ASS1: variants seen among roughly 807,000 people sequenced by gnomAD.
The protein encoded by ASS1 is argininosuccinate synthase 1.
In ASS1, 58 loss-of-function variants were observed where a neutral mutation model predicts 60.5. That is an observed-to-expected ratio of 0.96 (90% CI 0.78 to 1.19). The LOEUF (loss-of-function observed/expected upper bound fraction) is 1.19, where lower values mean the gene tolerates loss of function less well. Ranked by LOEUF, ASS1 falls within the 50% of genes most tolerant of loss-of-function variation. The pLI is 0.00. For missense variants in ASS1, 454 were observed against 547.3 expected (o/e 0.83, Z 1.70); for synonymous variants, 200 against 206.9 (o/e 0.97, Z 0.29).
At position 130,491,033 on chromosome 9, in the gene ASS1, TC is replaced by T. The variant is rs1846436624; in HGVS notation, c.970+1574del. Among the ~76,000 whole-genome samples, 6 of 152,242 alleles carry T rather than the reference TC, an allele frequency of 3.9e-5. No individual in the cohort carries two copies. The South Asian group carries it at 1.2e-3, about 32-fold the overall frequency. On this transcript the variant is annotated intron_variant, in intron 12 of 14. Coordinates refer to ENST00000352480, the MANE Select transcript of ASS1 (RefSeq NM_054012.4). The surrounding 1 kb of genome is among the most constrained non-coding windows in gnomAD (Gnocchi z 5.3). ...GGCTAAGCTCTCCTCCCCTCGCCTC[TC>T]CCCCTCCACTCCCAGATTTTGTTTC...
At chr9:130,448,142 G>GGGCT (rs967647704) in intron 1 of ASS1, among the ~76,000 whole-genome samples, 63 of 151,648 alleles carry the variant, frequency 4.2e-4, no homozygotes, top group African/African-American at 1.4e-3. Flanking sequence ...TTTTTGCCTC[G>GGGCT]GGCTGCAAAT....
At position 130,470,139 on chromosome 9, in the gene ASS1, C is replaced by A. The variant is rs964238641; in HGVS notation, c.496-695C>A. ...CTTCTTCCTCCTCTTAAGGCTGAGTCAGGTGGGCCTTCCATGCGTGACCTG... is the reference window on the plus strand; with the variant it reads ...CTTCTTCCTCCTCTTAAGGCTGAGTAAGGTGGGCCTTCCATGCGTGACCTG... On this transcript the variant is annotated intron_variant, in intron 6 of 14. Transcript: ENST00000352480. This position sits in a 1 kb window ranked among gnomAD's most constrained non-coding sequence, Gnocchi z 4.3. Among the ~76,000 whole-genome samples, 1 of 152,164 alleles carries A rather than the reference C, an allele frequency of 6.6e-6. No individual in the cohort carries two copies. The highest frequency in any genetic ancestry group is 2.4e-5 in the African/African-American group (1 of 41,432).
Position 130,470,987 on chromosome 9 carries a change from G to C in ASS1, c.566+83G>C. ...ACGCGCTGCCCCAGGACGTCCTGGT[G>C]ACCCCCACACCAGTGGTCCCTGCCC... On this transcript the variant is annotated intron_variant, in intron 7 of 14. Coordinates refer to ENST00000352480, the MANE Select transcript of ASS1 (RefSeq NM_054012.4). The surrounding 1 kb of genome is among the most constrained non-coding windows in gnomAD (Gnocchi z 4.3). 6.6e-7 allele frequency: 1 copy of C among 1,504,694 alleles called. No individual in the cohort carries two copies. 93.2% of individuals were successfully genotyped at this position (1,504,694 alleles called of 1,614,324 possible).
At chr9:130,486,417 C>T (rs543798268) in intron 11 of ASS1, among the ~76,000 whole-genome samples, 7 of 152,322 alleles carry the variant, frequency 4.6e-5, no homozygotes, top group Non-Finnish European at 1.0e-4. Context: ...TGTCCCTGTT[C>T]TCCAGGCTGT....
chr9:130,464,908 G>A (rs1211040992), intron 5 of ASS1, among the ~76,000 whole-genome samples: 1 of 151,852 alleles, frequency 6.6e-6, no homozygotes. Flanking sequence ...GCAGGGCCCA[G>A]GGCAGGGCCG....
rs1259637239 is a variant in ASS1 at position 130,491,359 on chromosome 9, C to T, written c.970+1895C>T. Among the ~76,000 whole-genome samples, 7 of 151,758 alleles carry T rather than the reference C, an allele frequency of 4.6e-5. No individual in the cohort carries two copies. The highest frequency in any genetic ancestry group is 7.3e-5 in the African/African-American group (3 of 41,372). ...GGGCCTCCACGGAGGCTGATCCCAC[C>T]GTGGCCGCGGCCACGGCTGCCACTT... On this transcript the variant is annotated intron_variant, in intron 12 of 14. Transcript: ENST00000352480. The surrounding 1 kb of genome is among the most constrained non-coding windows in gnomAD (Gnocchi z 5.3).
chr9:130,480,558 C>G (rs1846145587), intron 11 of ASS1, 109 bp downstream of exon 11: 1 of 1,219,228 alleles, frequency 8.2e-7, no homozygotes, highest in African/African-American at 1.5e-5. Flanking sequence ...CCGTGGGCGA[C>G]CTTGGGCACG....
At position 130,488,660 on chromosome 9, in the gene ASS1, T is replaced by G. The variant is rs1846367504; in HGVS notation, c.839-673T>G. 6.6e-6 allele frequency among the ~76,000 whole-genome samples: 1 copy of G among 152,196 alleles called. No individual in the cohort carries two copies. Among genetic ancestry groups the G allele is most frequent in the Non-Finnish European group, 1.5e-5 (1 of 68,040 alleles). ...TCCCTTCTCCCCTGACCTTCCAGGG[T>G]TGGGCCTCCACGGCCAGGTGACTTA... On this transcript the variant is annotated intron_variant, in intron 11 of 14. Coordinates refer to ENST00000352480, the MANE Select transcript of ASS1 (RefSeq NM_054012.4). This position sits in a 1 kb window ranked among gnomAD's most constrained non-coding sequence, Gnocchi z 5.2.
chr9:130,499,913 G>A (rs1375374531), intron 14 of ASS1, among the ~76,000 whole-genome samples: 1 of 152,184 alleles, frequency 6.6e-6, no homozygotes, highest in Admixed American at 6.5e-5. Context: ...ATAGCATAGA[G>A]GTGGAGAGAA....
chr9:130,494,344 CA>C lies in ASS1; in HGVS notation c.971-521del, dbSNP rs1222995676. On this transcript the variant is annotated intron_variant, in intron 12 of 14. Transcript: ENST00000352480. The surrounding 1 kb of genome is among the most constrained non-coding windows in gnomAD (Gnocchi z 4.3). ...GAAATATTACTGTGACATCCCCACT[CA>C]ACAGATGGGGAAACAGAGGCACAGA... Among the ~76,000 whole-genome samples the C allele has an allele frequency of 6.6e-6, 1 of 152,228 alleles. No individual in the cohort carries two copies. Among genetic ancestry groups the C allele is most frequent in the Non-Finnish European group, 1.5e-5 (1 of 68,048 alleles).
At chr9:130,471,238 C>A (rs573419981) in intron 7 of ASS1, among the ~76,000 whole-genome samples, 4 of 152,178 alleles carry the variant, frequency 2.6e-5, no homozygotes, top group African/African-American at 4.8e-5. Flanking sequence ...GAGGCCCCCC[C>A]AACCACGTGC....
chr9:130,455,084 ATTCATCCAGCCATCATCCG>A lies in ASS1; in HGVS notation c.174+713_174+731del, dbSNP rs1371595848. Reference sequence around the variant, plus strand: ...CCATCCATCCATTCACCCATCATCCATTCATCCAGCCATCATCCGTCTATCCATCCATCATCCATTTATT... The same window carrying A: ...CCATCCATCCATTCACCCATCATCCATCTATCCATCCATCATCCATTTATT... On this transcript the variant is annotated intron_variant, in intron 3 of 14. Coordinates refer to ENST00000352480, the MANE Select transcript of ASS1 (RefSeq NM_054012.4). Among the ~76,000 whole-genome samples the A allele has an allele frequency of 2.0e-5, 3 of 148,446 alleles. No individual in the cohort carries two copies. The East Asian group carries it at 6.1e-4, about 30-fold the overall frequency.
In ASS1 at chr9:130,494,981, G is replaced by T. The variant is rs121908647; in HGVS notation, c.1085G>T (p.Gly362Val). The T allele has an allele frequency of 1.2e-6, 2 of 1,613,320 alleles. No homozygotes were observed. Among genetic ancestry groups the T allele is most frequent in the Middle Eastern group, 3.3e-4 (2 of 6,046 alleles). Residue 362 changes from glycine (G) to valine (V), a missense_variant, in exon 13 of 15, where the codon GGC becomes GTC. Transcript: ENST00000352480. The surrounding 1 kb of genome is among the most constrained non-coding windows in gnomAD (Gnocchi z 4.3). Reference protein sequence around the residue: ...SVLKGQVYILGRESPLSLYNE... With the variant: ...SVLKGQVYILVRESPLSLYNE... ...CTCAAGGGCCAGGTGTACATCCTCG[G>T]CCGGGAGTCCCCACTGTCTCTCTAC... is the stretch of plus-strand genomic sequence containing the variant.
At chr9:130,460,086 G>A (rs535243198) in intron 4 of ASS1, among the ~76,000 whole-genome samples, 2 of 152,330 alleles carry the variant, frequency 1.3e-5, no homozygotes, top group Non-Finnish European at 2.9e-5. Flanking sequence ...CAGAAGGCTC[G>A]GAAACTCCCC....
chr9:130,499,347 G>C (rs1846679492), intron 13 of ASS1, among the ~76,000 whole-genome samples, 158 bp from the exon 14 acceptor site: 1 of 152,256 alleles, frequency 6.6e-6, no homozygotes, highest in African/African-American at 2.4e-5. Flanking sequence ...GAGTTGTACA[G>C]AAATTCAATG....
intron 6 of ASS1, among the ~76,000 whole-genome samples, chr9:130,467,755 G>A (rs576240948): frequency 6.6e-6 from 1 of 152,316 alleles, no homozygotes; most frequent in African/African-American, 2.4e-5. Flanking sequence ...TCTCCTTGAT[G>A]ATATAGAATA....
At position 130,478,360 on chromosome 9, in the gene ASS1, C is replaced by T. The variant is rs1041118588; in HGVS notation, c.689-1356C>T. On this transcript the variant is annotated intron_variant, in intron 9 of 14. Transcript: ENST00000352480. This position sits in a 1 kb window ranked among gnomAD's most constrained non-coding sequence, Gnocchi z 4.7. The stretch of plus-strand genomic sequence containing the variant: ...CAGGGCTCCCAGGAGCCTGGAGAGC[C>T]GTGAGGGTGGGAGGCGGGTGGCAGG... Among the ~76,000 whole-genome samples the T allele has an allele frequency of 9.9e-5, 15 of 152,084 alleles. No homozygotes were observed. The highest frequency in any genetic ancestry group is 1.8e-4 in the Non-Finnish European group (12 of 68,000).
Position 130,463,978 on chromosome 9 carries a change from T to G in ASS1, c.364-133T>G, listed in dbSNP as rs142568514. 872 of 911,764 alleles carry G rather than the reference T, an allele frequency of 9.6e-4. 1 individual carries two copies. The highest frequency in any genetic ancestry group is 1.4e-3 in the Non-Finnish European group (774 of 559,052). 56.5% of individuals were successfully genotyped at this position (911,764 alleles called of 1,614,324 possible). A position where few individuals can be genotyped will look rare whatever the true frequency, so the allele number is the denominator to read the frequency against. On this transcript the variant is annotated intron_variant, in intron 4 of 14. Transcript: ENST00000352480. ...ATGCCCACACATACACGACCTACAC[T>G]GCATGACCTCACATGTGTACACGCT...
chr9:130,448,442 A>ACACACACG (rs1845250340), intron 1 of ASS1, among the ~76,000 whole-genome samples: 1 of 151,466 alleles, frequency 6.6e-6, no homozygotes, highest in African/African-American at 2.4e-5. Flanking sequence ...ACACACACAC[A>ACACACACG]CACTGTCTCA....
Sources: allele counts gnomAD v4.1 joint callset (sites outside exome capture counted in the v4.1 genomes callset), GRCh38; gene constraint gnomAD v4.1.1; non-coding constraint Gnocchi (gnomAD v3.1); transcripts MANE v1.5; gene names NCBI Gene and HGNC (gene_info 2026-07-23, HGNC 2026-07-21).